The following NKAIN2 variants were observed in gnomAD, a reference collection of about 807,000 sequenced individuals.
NKAIN2 encodes sodium/potassium transporting ATPase interacting 2.
In NKAIN2, 14 loss-of-function variants were observed where a neutral mutation model predicts 32.6. That is an observed-to-expected ratio of 0.43 (90% CI 0.28 to 0.67). The LOEUF (loss-of-function observed/expected upper bound fraction) is 0.67. Among genes scored for constraint, NKAIN2 ranks in the 30% least tolerant of loss-of-function variants. NKAIN2 has a pLI of 0.17. For synonymous variants in NKAIN2, 80 were observed against 87.2 expected (o/e 0.92, Z 0.46); for missense variants, 198 against 258.3 (o/e 0.77, Z 1.60).
At chr6:124,127,382 G>T (rs1786225758) in intron 1 of NKAIN2, among the ~76,000 whole-genome samples, 1 of 152,188 alleles carries the variant, frequency 6.6e-6, no homozygotes, top group Non-Finnish European at 1.5e-5. Context: ...AGGATTCTTA[G>T]AACCTGCTTC....
intron 3 of NKAIN2, among the ~76,000 whole-genome samples, chr6:124,542,810 C>T (rs1025314682): frequency 2.6e-5 from 4 of 151,876 alleles, no homozygotes; most frequent in African/African-American, 7.3e-5. Flanking sequence ...AAAATTTGCA[C>T]GTTCAGTAAT....
chr6:123,845,988 C>T (rs553927091), intron 1 of NKAIN2, among the ~76,000 whole-genome samples: 1 of 152,262 alleles, frequency 6.6e-6, no homozygotes, highest in Middle Eastern at 3.4e-3. Context: ...GTCTCTCTGA[C>T]TCATCCCAAT....
intron 2 of NKAIN2, among the ~76,000 whole-genome samples, chr6:124,333,067 T>C (rs943131924): frequency 2.0e-5 from 3 of 152,164 alleles, no homozygotes; most frequent in African/African-American, 7.2e-5. Context: ...GAAAAATTAA[T>C]ATATTTAAAT....
intron 1 of NKAIN2, among the ~76,000 whole-genome samples, chr6:124,064,473 C>A (rs987366294): frequency 1.3e-5 from 2 of 151,520 alleles, no homozygotes; most frequent in African/African-American, 4.8e-5. Context: ...ATATTACTTT[C>A]ATTCTGTGGG....
At chr6:124,303,159 A>T (rs1796364899) in intron 2 of NKAIN2, among the ~76,000 whole-genome samples, 1 of 152,230 alleles carries the variant, frequency 6.6e-6, no homozygotes, top group Middle Eastern at 3.2e-3. Context: ...ACTTGTGAAG[A>T]TTACAGACAA....
chr6:123,904,763 C>T (rs1332454257), intron 1 of NKAIN2, among the ~76,000 whole-genome samples: 3 of 152,154 alleles, frequency 2.0e-5, no homozygotes, highest in African/African-American at 7.2e-5. Context: ...TAGCAAGTCT[C>T]CATCTAACAT....
chr6:124,525,293 A>T (rs1051085010), intron 3 of NKAIN2, among the ~76,000 whole-genome samples: 1 of 152,100 alleles, frequency 6.6e-6, no homozygotes, highest in Non-Finnish European at 1.5e-5. Context: ...GCGGGAGTTT[A>T]ACCTTTTTTT....
intron 3 of NKAIN2, among the ~76,000 whole-genome samples, chr6:124,379,143 GA>G (rs1800127818): frequency 1.9e-5 from 1 of 51,664 alleles, no homozygotes; most frequent in Non-Finnish European, 4.0e-5. Context: ...GAGGGGAGGG[GA>G]GGGAGGGAGG....
At chr6:123,953,389 C>A (rs1225858300) in intron 1 of NKAIN2, among the ~76,000 whole-genome samples, 1 of 152,138 alleles carries the variant, frequency 6.6e-6, no homozygotes, top group Non-Finnish European at 1.5e-5. Context: ...AGTAGTTCAG[C>A]CGTGGGCCAG....
chr6:124,165,600 T>G (rs1303662200), intron 1 of NKAIN2, among the ~76,000 whole-genome samples: 1 of 151,608 alleles, frequency 6.6e-6, no homozygotes, highest in Non-Finnish European at 1.5e-5. Flanking sequence ...TGTGCCATGC[T>G]GGTGTGCTGC....
At chr6:124,683,070 T>C (rs1334274376) in intron 4 of NKAIN2, among the ~76,000 whole-genome samples, 1 of 152,204 alleles carries the variant, frequency 6.6e-6, no homozygotes, top group Non-Finnish European at 1.5e-5. Context: ...TTAGGCTTGG[T>C]TTTCCACCCA....
At chr6:124,043,748 C>G (rs533569729) in intron 1 of NKAIN2, among the ~76,000 whole-genome samples, 1 of 152,158 alleles carries the variant, frequency 6.6e-6, no homozygotes, top group East Asian at 1.9e-4. Flanking sequence ...CTAGAATGCT[C>G]AACTCTCAAA....
At chr6:124,686,144 ATGGTCT>A (rs58385613) in intron 4 of NKAIN2, among the ~76,000 whole-genome samples, 3,836 of 152,192 alleles carry the variant, frequency 0.025, 170 homozygotes, top group African/African-American at 0.088. Flanking sequence ...CCTGTAGTTC[ATGGTCT>A]TGTGGACTTC....
chr6:123,907,323 G>A (rs1183137027), intron 1 of NKAIN2, among the ~76,000 whole-genome samples: 5 of 151,950 alleles, frequency 3.3e-5, no homozygotes, highest in Admixed American at 6.6e-5. Context: ...AATATAAAAT[G>A]TCTCATTTTT....
At chr6:124,021,298 C>T (rs1361517065) in intron 1 of NKAIN2, among the ~76,000 whole-genome samples, 1 of 151,946 alleles carries the variant, frequency 6.6e-6, no homozygotes, top group Non-Finnish European at 1.5e-5. Flanking sequence ...TATTTTTTTA[C>T]ATAAGAACAC....
intron 3 of NKAIN2, among the ~76,000 whole-genome samples, chr6:124,411,919 A>G (rs1283093520): frequency 2.0e-5 from 3 of 151,818 alleles, no homozygotes; most frequent in Non-Finnish European, 2.9e-5. Context: ...TTCATGCTTC[A>G]TTTCATTCAT....
intron 1 of NKAIN2, among the ~76,000 whole-genome samples, chr6:124,230,327 A>G (rs1792382415): frequency 6.6e-6 from 1 of 152,320 alleles, no homozygotes; most frequent in African/African-American, 2.4e-5. Flanking sequence ...AAAGGCATTC[A>G]GTTTTAAAAG....
At chr6:124,284,040 A>G (rs1582987776) in intron 2 of NKAIN2, among the ~76,000 whole-genome samples, 1 of 125,712 alleles carries the variant, frequency 8.0e-6, no homozygotes, top group African/African-American at 3.2e-5. Context: ...TCCATCATCT[A>G]GAACCCAGAT....
chr6:124,621,565 T>C (rs1409191819), intron 3 of NKAIN2, among the ~76,000 whole-genome samples: 2 of 152,304 alleles, frequency 1.3e-5, no homozygotes, highest in Non-Finnish European at 2.9e-5. Flanking sequence ...TCTCAGACTC[T>C]GGCCAAAAGT....
Sources: gnomAD v4.1 joint callset for allele counts (sites outside exome capture counted in the v4.1 genomes callset) on GRCh38, gnomAD v4.1.1 for gene constraint, MANE v1.5 for transcripts, NCBI Gene and HGNC (gene_info 2026-07-23, HGNC 2026-07-21) for gene names.